DZIP3: variants seen among roughly 807,000 people sequenced by gnomAD.
DZIP3 encodes the protein DAZ interacting zinc finger protein 3.
Under a neutral mutation model 162.0 loss-of-function variants are expected in DZIP3, and 118 were observed. The ratio of observed to expected loss-of-function variants is 0.73; its 90% CI spans 0.63 to 0.85. The LOEUF is 0.85. Ranked by LOEUF, DZIP3 falls within the 40% of genes least tolerant of loss-of-function variation. The pLI is 0.00. For synonymous variants in DZIP3, 438 were observed against 458.6 expected (o/e 0.96, Z 0.57); for missense variants, 1,331 against 1,407.0 (o/e 0.95, Z 0.86).
At chr3:108,600,446 G>T (rs1207490903) in intron 1 of DZIP3, among the ~76,000 whole-genome samples, 1 of 152,038 alleles carries the variant, frequency 6.6e-6, no homozygotes, top group East Asian at 1.9e-4. Context: ...GCAGTTTAAA[G>T]ACTAAAGTAG....
intron 5 of DZIP3, among the ~76,000 whole-genome samples, chr3:108,622,812 C>T (rs1432571795): frequency 6.7e-6 from 1 of 149,074 alleles, no homozygotes; most frequent in Non-Finnish European, 1.5e-5. Context: ...TTGTTCTCTT[C>T]TTCCTTTACC....
chr3:108,648,257 C>G, intron 16 of DZIP3, 145 bp downstream of exon 16: 1 of 674,244 alleles, frequency 1.5e-6, no homozygotes, highest in South Asian at 3.6e-5. Context: ...ATGGTCCTTT[C>G]CTTCCTTGCC....
chr3:108,589,683 T>G, upstream of DZIP3: 1 of 266,706 alleles, frequency 3.7e-6, no homozygotes, highest in Non-Finnish European at 7.3e-6. Flanking sequence ...TCTCGCGATT[T>G]CTCGGGAGAG....
At chr3:108,666,817 A>C (rs1358529850) in intron 21 of DZIP3, among the ~76,000 whole-genome samples, 1 of 152,178 alleles carries the variant, frequency 6.6e-6, no homozygotes, top group Non-Finnish European at 1.5e-5. Context: ...AGAGCTCTCA[A>C]GAGAAAATAC....
chr3:108,675,678 A>T (rs1018265929), intron 24 of DZIP3, 108 bp from the exon 25 acceptor site: 2 of 791,116 alleles, frequency 2.5e-6, no homozygotes, highest in Admixed American at 7.3e-5. Flanking sequence ...GATGGGGGTA[A>T]TTTTGTTTTT....
chr3:108,671,967 ATC>A (rs1318369293), intron 22 of DZIP3, among the ~76,000 whole-genome samples: 1 of 151,890 alleles, frequency 6.6e-6, no homozygotes, highest in African/African-American at 2.4e-5. Context: ...ATAGAATTGT[ATC>A]TCTCACAGTT....
intron 5 of DZIP3, among the ~76,000 whole-genome samples, chr3:108,623,169 G>T (rs1559734961): frequency 6.6e-6 from 1 of 151,910 alleles, no homozygotes; most frequent in East Asian, 1.9e-4. Context: ...TCCCACTGTG[G>T]CTGAGCTGAT....
intron 21 of DZIP3, among the ~76,000 whole-genome samples, chr3:108,667,550 A>G (rs939030756): frequency 6.6e-6 from 1 of 152,150 alleles, no homozygotes; most frequent in Non-Finnish European, 1.5e-5. Context: ...CCCTGTGGTG[A>G]TAGAACAGTT....
At chr3:108,598,343 T>C (rs1314133049) in intron 1 of DZIP3, among the ~76,000 whole-genome samples, 1 of 152,196 alleles carries the variant, frequency 6.6e-6, no homozygotes, top group Non-Finnish European at 1.5e-5. Context: ...TACAATAATG[T>C]TTATCTTCCA....
chr3:108,611,475 C>T (rs1940704622), intron 4 of DZIP3, 146 bp downstream of exon 4: 2 of 975,082 alleles, frequency 2.1e-6, no homozygotes, highest in African/African-American at 1.7e-5. Context: ...TTGTTGTCAA[C>T]CTTGACTGTA....
At chr3:108,607,782 C>T (rs1336667103) in intron 2 of DZIP3, among the ~76,000 whole-genome samples, 1 of 152,142 alleles carries the variant, frequency 6.6e-6, no homozygotes, top group Non-Finnish European at 1.5e-5. Context: ...CCTCTTTTCC[C>T]TTTACCTTGG....
rs759916396 is a variant in DZIP3 at position 108,608,049 on chromosome 3, A to C, written c.33-40A>C. 3 of 1,507,118 alleles carry C rather than the reference A, an allele frequency of 2.0e-6. No individual in the cohort carries two copies. The South Asian group carries it at 3.4e-5, about 17-fold the overall frequency. The allele number at this position is 1,507,118 out of a possible 1,614,324, so 93.4% of individuals were successfully genotyped here. ...ACTACTACAATTTGTGTTCTTTGTG[A>C]GAAGATGCTCTTAATATACCTCATT... is the stretch of plus-strand genomic sequence containing the variant. On this transcript the variant is annotated intron_variant, in intron 2 of 32. Coordinates refer to ENST00000361582, the MANE Select transcript of DZIP3 (RefSeq NM_014648.4).
chr3:108,692,674 A>C (rs1161346445), intron 32 of DZIP3, among the ~76,000 whole-genome samples: 1 of 152,132 alleles, frequency 6.6e-6, no homozygotes, highest in Admixed American at 6.5e-5. Context: ...AGGACTTTTA[A>C]GCTAGATTGT....
intron 10 of DZIP3, 28 bp downstream of exon 10, chr3:108,635,000 C>T (rs772618797): frequency 3.7e-6 from 5 of 1,361,610 alleles, no homozygotes; most frequent in Admixed American, 1.8e-5. Flanking sequence ...AAAACTACAA[C>T]AGCATTTCTT....
intron 9 of DZIP3, among the ~76,000 whole-genome samples, chr3:108,633,487 T>C (rs1188179300): frequency 6.6e-6 from 1 of 151,994 alleles, no homozygotes; most frequent in East Asian, 1.9e-4. Flanking sequence ...TAAGTGATCA[T>C]TTTCTCTTCT....
chr3:108,686,314 A>G (rs781129339), intron 27 of DZIP3, 131 bp from the exon 28 acceptor site: 56 of 853,778 alleles, frequency 6.6e-5, no homozygotes, highest in Non-Finnish European at 9.4e-5. Flanking sequence ...AATTAGAAAT[A>G]TTAAGAGAAA....
intron 3 of DZIP3, among the ~76,000 whole-genome samples, chr3:108,610,888 T>C (rs1940666004): frequency 6.6e-6 from 1 of 152,250 alleles, no homozygotes; most frequent in South Asian, 2.1e-4. Flanking sequence ...ACTATTCATT[T>C]TCAAGTTGCT....
rs931540401 is a variant in DZIP3 at position 108,693,911 on chromosome 3, T to G, written c.*558T>G. 2 of 152,166 alleles carry G rather than the reference T, an allele frequency of 1.3e-5. No homozygotes were observed. Among genetic ancestry groups the G allele is most frequent in the African/African-American group, 4.8e-5 (2 of 41,434 alleles). 9.4% of individuals were successfully genotyped at this position (152,166 alleles called of 1,614,324 possible). ...TACCCACTGGGCTAAGTTTCATATC[T>G]AAAGCTTGTCACTAAGAATTTTCAT... On this transcript the variant is annotated 3_prime_UTR_variant, in exon 33 of 33. Transcript: ENST00000361582.
chr3:108,599,760 G>T (rs1193455242), intron 1 of DZIP3, among the ~76,000 whole-genome samples: 2 of 152,094 alleles, frequency 1.3e-5, no homozygotes, highest in Non-Finnish European at 2.9e-5. Flanking sequence ...AGGCCAGAGA[G>T]CTCTCTCACC....
Sources: gnomAD v4.1 joint callset for allele counts (sites outside exome capture counted in the v4.1 genomes callset) on GRCh38, gnomAD v4.1.1 for gene constraint, MANE v1.5 for transcripts, NCBI Gene and HGNC (gene_info 2026-07-23, HGNC 2026-07-21) for gene names.